RASSF9: variants seen among roughly 807,000 people sequenced by gnomAD.
RASSF9 encodes the protein Ras association domain family member 9.
Under a neutral mutation model 21.4 loss-of-function variants are expected in RASSF9, and 18 were observed. The observed-to-expected ratio is 0.84, with a 90% CI of 0.58 to 1.25. The LOEUF (loss-of-function observed/expected upper bound fraction) is 1.25, where lower values mean the gene tolerates loss of function less well. Among genes scored for constraint, RASSF9 ranks in the 50% most tolerant of loss-of-function variants. RASSF9 has a pLI of 0.00. For missense variants in RASSF9, 480 were observed against 503.2 expected, an observed-to-expected ratio of 0.95 and a Z score of 0.44; for synonymous variants, 183 against 179.1, an observed-to-expected ratio of 1.02 and a Z score of -0.18.
At chr12:85,806,101 C>A in intron 1 of RASSF9, 139 bp from the exon 2 acceptor site, 1 of 890,642 alleles carries the variant, frequency 1.1e-6, no homozygotes, top group South Asian at 1.9e-5. Flanking sequence ...GGCTGGAGTG[C>A]AGTGGTGCGG....
At chr12:85,823,301 C>T (rs1880257134) in intron 1 of RASSF9, among the ~76,000 whole-genome samples, 1 of 152,124 alleles carries the variant, frequency 6.6e-6, no homozygotes, top group South Asian at 2.1e-4. Context: ...ACCCAATAGC[C>T]ACTTGCAGAA....
intron 1 of RASSF9, among the ~76,000 whole-genome samples, chr12:85,827,276 A>T (rs79072977): frequency 6.6e-6 from 1 of 152,146 alleles, no homozygotes; most frequent in African/African-American, 2.4e-5. Flanking sequence ...CTCATTTTTC[A>T]TCTTCACTCA....
intron 1 of RASSF9, among the ~76,000 whole-genome samples, chr12:85,807,547 A>G (rs1213702020): frequency 6.6e-6 from 1 of 152,122 alleles, no homozygotes; most frequent in Non-Finnish European, 1.5e-5. Flanking sequence ...AAAATAGATG[A>G]TGATTTCCTG....
chr12:85,820,884 GC>G (rs1880192014), intron 1 of RASSF9, among the ~76,000 whole-genome samples: 1 of 152,124 alleles, frequency 6.6e-6, no homozygotes, highest in South Asian at 2.1e-4. Context: ...GGTGGCTCAT[GC>G]CTATAATCCC....
intron 1 of RASSF9, among the ~76,000 whole-genome samples, chr12:85,814,096 G>C (rs192502195): frequency 6.6e-6 from 1 of 152,054 alleles, no homozygotes; most frequent in African/African-American, 2.4e-5. Context: ...TAGAGATTGT[G>C]ATGGAAACTT....
At chr12:85,828,777 C>T (rs555704064) in intron 1 of RASSF9, among the ~76,000 whole-genome samples, 12 of 152,184 alleles carry the variant, frequency 7.9e-5, no homozygotes, top group East Asian at 1.9e-4. Flanking sequence ...CTGTAATGTG[C>T]GTAGTTTCCT....
At chr12:85,833,653 A>C (rs1880500518) in intron 1 of RASSF9, among the ~76,000 whole-genome samples, 1 of 151,988 alleles carries the variant, frequency 6.6e-6, no homozygotes, top group African/African-American at 2.4e-5. Context: ...AAATTTTATG[A>C]TCTTTAATCC....
At chr12:85,826,666 A>G (rs111377533) in intron 1 of RASSF9, among the ~76,000 whole-genome samples, 7,442 of 151,034 alleles carry the variant, frequency 0.049, 387 homozygotes, top group African/African-American at 0.13. Flanking sequence ...CCAGGTCTTG[A>G]TCTCCTGACC....
At chr12:85,811,416 T>A (rs1414710587) in intron 1 of RASSF9, among the ~76,000 whole-genome samples, 1 of 151,846 alleles carries the variant, frequency 6.6e-6, no homozygotes, top group Non-Finnish European at 1.5e-5. Context: ...ACCATAATTG[T>A]TTGCAAGTGT....
At chr12:85,830,955 G>A (rs1197948730) in intron 1 of RASSF9, among the ~76,000 whole-genome samples, 1 of 152,092 alleles carries the variant, frequency 6.6e-6, no homozygotes, top group Non-Finnish European at 1.5e-5. Context: ...TGGATGTCAA[G>A]AAATTAATTA....
At chr12:85,833,002 T>A (rs1880482744) in intron 1 of RASSF9, among the ~76,000 whole-genome samples, 1 of 151,892 alleles carries the variant, frequency 6.6e-6, no homozygotes, top group African/African-American at 2.4e-5. Flanking sequence ...TATTTGGGCA[T>A]ACAAACTTTT....
chr12:85,809,981 A>C (rs1365656386), intron 1 of RASSF9, among the ~76,000 whole-genome samples: 3 of 151,748 alleles, frequency 2.0e-5, no homozygotes, highest in African/African-American at 7.3e-5. Flanking sequence ...ATGTCCTTCT[A>C]TTTTCTGCAG....
At chr12:85,823,584 C>T (rs889227198) in intron 1 of RASSF9, among the ~76,000 whole-genome samples, 1 of 152,294 alleles carries the variant, frequency 6.6e-6, no homozygotes, top group Middle Eastern at 3.4e-3. Flanking sequence ...TTGAATAGAC[C>T]TTGGAACTTG....
intron 1 of RASSF9, among the ~76,000 whole-genome samples, chr12:85,822,344 C>G (rs768836991): frequency 6.6e-6 from 1 of 152,156 alleles, no homozygotes; most frequent in Non-Finnish European, 1.5e-5. Context: ...AGTTGGATAG[C>G]TGAAAACATG....
chr12:85,809,794 T>C (rs1368464935), intron 1 of RASSF9, among the ~76,000 whole-genome samples: 1 of 151,876 alleles, frequency 6.6e-6, no homozygotes, highest in Non-Finnish European at 1.5e-5. Flanking sequence ...AATTCTTGTG[T>C]ATTGTGGCCT....
intron 1 of RASSF9, among the ~76,000 whole-genome samples, chr12:85,829,511 C>A (rs1328926671): frequency 6.6e-6 from 1 of 152,078 alleles, no homozygotes; most frequent in Non-Finnish European, 1.5e-5. Context: ...TTATGGATTG[C>A]CAAACTGACC....
chr12:85,803,359 A>G lies in RASSF9; in HGVS notation c.*1343T>C, dbSNP rs1879744015. On this transcript the variant is annotated 3_prime_UTR_variant, in exon 2 of 2. Coordinates refer to ENST00000361228, the MANE Select transcript of RASSF9 (RefSeq NM_005447.4). ...ACATGTGCAGTGACACACAGGAAAG[A>G]TATCAGCTAAATAAAAATAAACTGC... 1 of 152,198 alleles carries G rather than the reference A, an allele frequency of 6.6e-6. No individual in the cohort carries two copies. Among genetic ancestry groups the G allele is most frequent in the Non-Finnish European group, 1.5e-5 (1 of 68,036 alleles). 9.4% of individuals were successfully genotyped at this position (152,198 alleles called of 1,614,324 possible).
intron 1 of RASSF9, 107 bp downstream of exon 1, chr12:85,836,048 C>T: frequency 1.3e-6 from 2 of 1,531,906 alleles, no homozygotes; most frequent in South Asian, 2.4e-5. Flanking sequence ...TTATCAGAAT[C>T]TAACAACCAC....
At chr12:85,819,804 G>A (rs1186410412) in intron 1 of RASSF9, among the ~76,000 whole-genome samples, 1 of 152,136 alleles carries the variant, frequency 6.6e-6, no homozygotes. Flanking sequence ...CAACAATAAT[G>A]TGGTTATATG....
Sources: allele counts gnomAD v4.1 joint callset (sites outside exome capture counted in the v4.1 genomes callset), GRCh38; gene constraint gnomAD v4.1.1; transcripts MANE v1.5; gene names NCBI Gene and HGNC (gene_info 2026-07-23, HGNC 2026-07-21).